The following ABCG1 variants were observed in gnomAD, a reference collection of about 807,000 sequenced individuals.
ABCG1 encodes ATP-binding cassette sub-family G member 1.
Under a neutral mutation model 69.2 loss-of-function variants are expected in ABCG1, and 29 were observed. The ratio of observed to expected loss-of-function variants is 0.42; its 90% CI spans 0.31 to 0.57. ABCG1 has a LOEUF of 0.57. ABCG1 is among the 20% of genes least tolerant of loss of function. ABCG1 has a pLI of 0.15. For synonymous variants in ABCG1, 370 were observed against 374.8 expected (o/e 0.99, Z 0.15); for missense variants, 718 against 898.1 (o/e 0.80, Z 2.56).
At chr21:42,274,928 G>A (rs1473672543) in intron 4 of ABCG1, among the ~76,000 whole-genome samples, 1 of 152,182 alleles carries the variant, frequency 6.6e-6, no homozygotes, top group Non-Finnish European at 1.5e-5. Flanking sequence ...TTATGTGGGG[G>A]ACTGTTTATA....
At chr21:42,284,897 T>C (rs182515851) in intron 7 of ABCG1, among the ~76,000 whole-genome samples, 1 of 152,022 alleles carries the variant, frequency 6.6e-6, no homozygotes, top group Non-Finnish European at 1.5e-5. Flanking sequence ...TCGTGGGATG[T>C]CTTCATGACA....
chr21:42,219,342 T>C lies in ABCG1; in HGVS notation c.42+38T>C. 1 of 1,590,882 alleles carries C rather than the reference T, an allele frequency of 6.3e-7. No homozygotes were observed. Among genetic ancestry groups the C allele is most frequent in the South Asian group, 1.1e-5 (1 of 89,132 alleles). On this transcript the variant is annotated intron_variant, in intron 1 of 14. Coordinates refer to ENST00000398449, the MANE Select transcript of ABCG1 (RefSeq NM_016818.3). This position sits in a 1 kb window ranked among gnomAD's most constrained non-coding sequence, Gnocchi z 5.3. ...ATCCTTCGTCCGCCGGGAACGGTTT[T>C]ATTTTCAAGGAGAGCAGGAAACACA...
intron 2 of ABCG1, among the ~76,000 whole-genome samples, chr21:42,237,813 C>A (rs1207192340): frequency 6.6e-6 from 1 of 152,228 alleles, no homozygotes; most frequent in African/African-American, 2.4e-5. Context: ...AGGGCTGTTT[C>A]TTTGGCCGCA....
chr21:42,285,803 G>C (rs2068928882), intron 7 of ABCG1, 77 bp from the exon 8 acceptor site: 1 of 942,734 alleles, frequency 1.1e-6, no homozygotes, highest in African/African-American at 1.6e-5. Context: ...TTGATTGGTT[G>C]ATTGATTGAT....
At chr21:42,235,198 A>T (rs1340804057) in intron 2 of ABCG1, among the ~76,000 whole-genome samples, 1 of 152,120 alleles carries the variant, frequency 6.6e-6, no homozygotes, top group Non-Finnish European at 1.5e-5. Flanking sequence ...AGGTGTTGCC[A>T]CCCGGGGCGG....
rs2068708023 is a variant in ABCG1, at chr21:42,276,231, C to T, written c.538-664C>T. The T allele has an allele frequency of 6.6e-6, 1 of 152,360 alleles. No homozygotes were observed. 9.4% of individuals were successfully genotyped at this position (152,360 alleles called of 1,614,324 possible). On this transcript the variant is annotated intron_variant, in intron 4 of 14. Coordinates refer to ENST00000398449, the MANE Select transcript of ABCG1 (RefSeq NM_016818.3). This position sits in a 1 kb window ranked among gnomAD's most constrained non-coding sequence, Gnocchi z 5.3. ...GGCCAGGAGCCCAGTGCTGTGTTAG[C>T]AAACGGGATCTCAAAAAACACAACA...
intron 2 of ABCG1, among the ~76,000 whole-genome samples, chr21:42,204,983 C>T (rs1044962936): frequency 1.7e-4 from 25 of 149,390 alleles, no homozygotes; most frequent in Non-Finnish European, 3.1e-4. Flanking sequence ...CCAGTGATAT[C>T]ATCTGGGCCT....
chr21:42,296,089 A>C lies in ABCG1; in HGVS notation c.1773-75A>C, dbSNP rs2069203009. On this transcript the variant is annotated intron_variant, in intron 14 of 14. Transcript: ENST00000398449. This position sits in a 1 kb window ranked among gnomAD's most constrained non-coding sequence, Gnocchi z 5.4. ...CAAGCTGGGAATCGCAGGGAGGGTG[A>C]ACGACATTGACCTTCAGCCAACGGC... 2 of 1,291,844 alleles carry C rather than the reference A, an allele frequency of 1.5e-6. No individual in the cohort carries two copies. The highest frequency in any genetic ancestry group is 2.4e-5 in the South Asian group (2 of 83,240). 80.0% of individuals were successfully genotyped at this position (1,291,844 alleles called of 1,614,324 possible).
At chr21:42,244,595 T>C (rs1269531983) in intron 2 of ABCG1, among the ~76,000 whole-genome samples, 1 of 152,240 alleles carries the variant, frequency 6.6e-6, no homozygotes, top group Non-Finnish European at 1.5e-5. Context: ...CTTTTCCTCA[T>C]CTAAAATCAC....
intron 2 of ABCG1, among the ~76,000 whole-genome samples, chr21:42,258,470 A>G (rs2068347701): frequency 6.7e-6 from 1 of 149,478 alleles, no homozygotes; most frequent in South Asian, 2.1e-4. Context: ...CCATCCCTCA[A>G]TGCATCCCTC....
upstream of ABCG1, among the ~76,000 whole-genome samples, chr21:42,213,170 G>A (rs75347617): frequency 0.014 from 2,087 of 152,338 alleles, 40 homozygotes; most frequent in African/African-American, 0.046. Context: ...AGACAGTGAC[G>A]GCATAACCCT....
At chr21:42,216,260 T>C (rs1246735573), upstream of ABCG1, 5 of 391,384 alleles carry the variant, frequency 1.3e-5, no homozygotes, top group Non-Finnish European at 2.6e-5. Context: ...AGCGTGAAAA[T>C]GGACTAATAC....
At chr21:42,289,945 TCA>T (rs1232868422) in intron 10 of ABCG1, 103 bp from the exon 11 acceptor site, 21 of 1,318,930 alleles carry the variant, frequency 1.6e-5, no homozygotes, top group Non-Finnish European at 1.9e-5. Flanking sequence ...AGACGTGCTG[TCA>T]CAGAGTTCAG....
Position 42,203,074 on chromosome 21 carries a change from T to C in ABCG1, c.48+1351T>C, listed in dbSNP as rs143755943. 8.1e-3 allele frequency among the ~76,000 whole-genome samples: 1,241 copies of C among 152,296 alleles called. 23 individuals are homozygous for C. Among genetic ancestry groups the C allele is most frequent in the African/African-American group, 0.028 (1,177 of 41,564 alleles). On this transcript the variant is annotated intron_variant, in intron 2 of 15. Transcript: ENST00000398457. Reference sequence around the variant, plus strand: ...CAGCTTTTCCAGCAAGCGCTGCTGATGCATTTGGGTATCCACGGGCAGAAA... The same window carrying C: ...CAGCTTTTCCAGCAAGCGCTGCTGACGCATTTGGGTATCCACGGGCAGAAA...
At chr21:42,217,277 C>T (rs2123484705), upstream of ABCG1, among the ~76,000 whole-genome samples, 1 of 152,302 alleles carries the variant, frequency 6.6e-6, no homozygotes, top group East Asian at 1.9e-4. Flanking sequence ...GGGCACATTC[C>T]TGGAAGTGAG....
Position 42,256,258 on chromosome 21 carries a change from C to T in ABCG1, c.287-14812C>T, listed in dbSNP as rs80236750. 1,219 of 1,493,600 alleles carry T rather than the reference C, an allele frequency of 8.2e-4. 11 individuals carry two copies. In the African/African-American group the frequency reaches 0.015, roughly 19 times the overall value. 92.5% of individuals were successfully genotyped at this position (1,493,600 alleles called of 1,614,324 possible). On this transcript the variant is annotated intron_variant, in intron 2 of 14. Transcript: ENST00000398449. ...TGCTAGCAGTGCAACAGACAGAACACTTACCTGCCTGCCCTCCCGCCAGGA... is the reference window on the plus strand; with the variant it reads ...TGCTAGCAGTGCAACAGACAGAACATTTACCTGCCTGCCCTCCCGCCAGGA...
intron 1 of ABCG1, among the ~76,000 whole-genome samples, chr21:42,222,358 C>T (rs934288123): frequency 3.3e-5 from 5 of 152,262 alleles, no homozygotes; most frequent in South Asian, 2.1e-4. Flanking sequence ...GGCTGTTAGA[C>T]GCTGTGGAGG....
intron 2 of ABCG1, among the ~76,000 whole-genome samples, chr21:42,258,236 C>G (rs1193707011): frequency 6.6e-6 from 1 of 151,744 alleles, no homozygotes; most frequent in Non-Finnish European, 1.5e-5. Context: ...CCAACCATCC[C>G]TCCATCTGTT....
chr21:42,262,260 G>T (rs35478444), intron 2 of ABCG1, among the ~76,000 whole-genome samples: 2 of 152,016 alleles, frequency 1.3e-5, no homozygotes, highest in African/African-American at 4.8e-5. Flanking sequence ...CCTCCGTAAG[G>T]GACAGGAGAC....
Sources: allele counts gnomAD v4.1 joint callset (sites outside exome capture counted in the v4.1 genomes callset), GRCh38; gene constraint gnomAD v4.1.1; non-coding constraint Gnocchi (gnomAD v3.1); transcripts MANE v1.5; gene names NCBI Gene and HGNC (gene_info 2026-07-23, HGNC 2026-07-21).